APLF: variants seen among roughly 807,000 people sequenced by gnomAD.
APLF encodes aprataxin and PNKP like factor.
In APLF, 61 loss-of-function variants were observed where a neutral mutation model predicts 55.6. The observed-to-expected ratio is 1.10, with a 90% CI of 0.89 to 1.36. APLF has a LOEUF of 1.36. APLF is among the 40% of genes most tolerant of loss of function. The pLI is 0.00. For synonymous variants in APLF, 207 were observed against 214.8 expected, an observed-to-expected ratio of 0.96 and a Z score of 0.32; for missense variants, 611 against 602.5, an observed-to-expected ratio of 1.01 and a Z score of -0.15.
chr2:68,578,972 T>G lies in APLF; in HGVS notation c.*950T>G. On this transcript the variant is annotated 3_prime_UTR_variant, in exon 10 of 10. Transcript: ENST00000303795. ...TCTAAAACTACTTTAAGCCCTATAA[T>G]GCTCTTCATATTACGTGACTTTGAA... is the stretch of plus-strand genomic sequence containing the variant. 1 of 984,620 alleles carries G rather than the reference T, an allele frequency of 1.0e-6. No homozygotes were observed. Among genetic ancestry groups the G allele is most frequent in the Non-Finnish European group, 1.2e-6 (1 of 829,230 alleles). The allele number at this position is 984,620 out of a possible 1,614,324, so 61.0% of individuals were successfully genotyped here. A position where few individuals can be genotyped will look rare whatever the true frequency, so the allele number is the denominator to read the frequency against.
chr2:68,578,622 C>T lies in APLF; in HGVS notation c.*600C>T, dbSNP rs1671686380. 4 of 985,158 alleles carry T rather than the reference C, an allele frequency of 4.1e-6. No homozygotes were observed. The African/African-American group carries it at 7.0e-5, about 17-fold the overall frequency. 61.0% of individuals were successfully genotyped at this position (985,158 alleles called of 1,614,324 possible). A position where few individuals can be genotyped will look rare whatever the true frequency, so the allele number is the denominator to read the frequency against. ...AACTAGGCTGTAGAAGAGAAATGTT[C>T]ACCATGTAGGGAATGTTATTTTGTG... On this transcript the variant is annotated 3_prime_UTR_variant, in exon 10 of 10. Coordinates refer to ENST00000303795, the MANE Select transcript of APLF (RefSeq NM_173545.3).
intron 8 of APLF, among the ~76,000 whole-genome samples, chr2:68,558,476 A>G (rs1201806613): frequency 6.6e-6 from 1 of 152,190 alleles, no homozygotes; most frequent in Admixed American, 6.5e-5. Context: ...TTCAGGTTTT[A>G]AAATACATAT....
intron 6 of APLF, among the ~76,000 whole-genome samples, chr2:68,533,334 CTATAT>C (rs1160014138): frequency 2.0e-5 from 3 of 152,072 alleles, no homozygotes; most frequent in South Asian, 2.1e-4. Context: ...CCTTTATAAT[CTATAT>C]TATATTATAA....
At chr2:68,474,786 A>G (rs1212415868) in intron 1 of APLF, among the ~76,000 whole-genome samples, 3 of 152,134 alleles carry the variant, frequency 2.0e-5, no homozygotes, top group Non-Finnish European at 2.9e-5. Context: ...CTCCTGCCTC[A>G]GCCTCCTGAG....
At chr2:68,518,767 A>T (rs1669765687) in intron 5 of APLF, among the ~76,000 whole-genome samples, 127 of 110,620 alleles carry the variant, frequency 1.1e-3, no homozygotes, top group Middle Eastern at 0.013. Flanking sequence ...TAAAATATTA[A>T]TAATATATCA....
At chr2:68,541,440 A>G (rs1670546777) in intron 7 of APLF, among the ~76,000 whole-genome samples, 1 of 152,194 alleles carries the variant, frequency 6.6e-6, no homozygotes, top group Non-Finnish European at 1.5e-5. Flanking sequence ...CAATAAGAAA[A>G]TGACAACTCA....
At chr2:68,544,274 C>T (rs900132986) in intron 7 of APLF, among the ~76,000 whole-genome samples, 2 of 151,962 alleles carry the variant, frequency 1.3e-5, no homozygotes, top group African/African-American at 4.8e-5. Context: ...CCACCACAGC[C>T]GACCCAAAAG....
At chr2:68,559,363 C>T (rs1262999946) in intron 8 of APLF, among the ~76,000 whole-genome samples, 1 of 152,120 alleles carries the variant, frequency 6.6e-6, no homozygotes, top group Non-Finnish European at 1.5e-5. Flanking sequence ...GTTCTCAGAT[C>T]TCTTCCTTTC....
At chr2:68,536,574 T>G (rs1670395184) in intron 6 of APLF, among the ~76,000 whole-genome samples, 1 of 152,102 alleles carries the variant, frequency 6.6e-6, no homozygotes, top group African/African-American at 2.4e-5. Context: ...GTATAAGTAA[T>G]TAAGGGGTCA....
rs1457697801 is a variant in APLF at position 68,526,243 on chromosome 2, G to A, written c.804+1G>A. On this transcript the variant is annotated splice_donor_variant, in intron 6 of 9. Coordinates refer to ENST00000303795, the MANE Select transcript of APLF (RefSeq NM_173545.3). LOFTEE classifies it high-confidence loss of function. ...GGAAGAGTCTACCATTTCATCCAAG[G>A]TGATTTTAAAAAATTCATTATTTGA... 4.4e-6 allele frequency: 7 copies of A among 1,595,946 alleles called. No homozygotes were observed. The highest frequency in any genetic ancestry group is 6.0e-6 in the Non-Finnish European group (7 of 1,173,846).
Position 68,580,103 on chromosome 2 carries a change from A to G in APLF, c.*2081A>G, listed in dbSNP as rs1671730464. On this transcript the variant is annotated 3_prime_UTR_variant, in exon 10 of 10. Transcript: ENST00000303795. Reference sequence around the variant, plus strand: ...ATACAGTTTTAATGCAACTTTCATAATCATCCTGAAGACACTTTTGAGTAT... The same window carrying G: ...ATACAGTTTTAATGCAACTTTCATAGTCATCCTGAAGACACTTTTGAGTAT... 2 of 941,996 alleles carry G rather than the reference A, an allele frequency of 2.1e-6. No homozygotes were observed. The highest frequency in any genetic ancestry group is 2.5e-6 in the Non-Finnish European group (2 of 790,212). The allele number at this position is 941,996 out of a possible 1,614,324, so 58.4% of individuals were successfully genotyped here.
At chr2:68,537,660 G>A (rs186215952) in intron 6 of APLF, among the ~76,000 whole-genome samples, 43 of 152,166 alleles carry the variant, frequency 2.8e-4, no homozygotes, top group African/African-American at 1.0e-3. Flanking sequence ...CTGAGCCACC[G>A]TGCCTGGCCA....
rs1425976195 is a variant in APLF, at chr2:68,579,409, TA to T, written c.*1389del. Reference sequence around the variant, plus strand: ...CTTATTCTCATCCCTGCCACTAACTTAATCCTTGAAGTGTTACATAATCTAC... The same window carrying T: ...CTTATTCTCATCCCTGCCACTAACTTATCCTTGAAGTGTTACATAATCTAC... On this transcript the variant is annotated 3_prime_UTR_variant, in exon 10 of 10. Coordinates refer to ENST00000303795, the MANE Select transcript of APLF (RefSeq NM_173545.3). The T allele has an allele frequency of 1.0e-6, 1 of 976,530 alleles. No homozygotes were observed. The highest frequency in any genetic ancestry group is 1.2e-6 in the Non-Finnish European group (1 of 821,948). 60.5% of individuals were successfully genotyped at this position (976,530 alleles called of 1,614,324 possible). A position where few individuals can be genotyped will look rare whatever the true frequency, so the allele number is the denominator to read the frequency against.
intron 8 of APLF, among the ~76,000 whole-genome samples, chr2:68,555,939 C>G (rs950091984): frequency 2.0e-5 from 3 of 152,176 alleles, no homozygotes; most frequent in African/African-American, 7.2e-5. Context: ...ATGGCAAAAA[C>G]ATGGAACCAA....
intron 2 of APLF, among the ~76,000 whole-genome samples, chr2:68,492,565 A>G (rs1443621581): frequency 2.0e-5 from 3 of 152,348 alleles, no homozygotes; most frequent in Non-Finnish European, 2.9e-5. Flanking sequence ...TCTTACCTTG[A>G]GTTAAATTTT....
Position 68,578,846 on chromosome 2 carries a change from A to G in APLF, c.*824A>G. On this transcript the variant is annotated 3_prime_UTR_variant, in exon 10 of 10. Transcript: ENST00000303795. ...AGTTTTTTTGACCTCAGATGAAAGT[A>G]GCAAGTTGTTTGCCAGTTGAAAGTT... 1 of 985,362 alleles carries G rather than the reference A, an allele frequency of 1.0e-6. No homozygotes were observed. The highest frequency in any genetic ancestry group is 1.2e-6 in the Non-Finnish European group (1 of 829,870). 61.0% of individuals were successfully genotyped at this position (985,362 alleles called of 1,614,324 possible).
chr2:68,578,183 C>T lies in APLF; in HGVS notation c.*161C>T. ...ACAAATGAGACATTGAAACGTCAGC[C>T]TTCAGTATAATAGATGGAATTTTTT... On this transcript the variant is annotated 3_prime_UTR_variant, in exon 10 of 10. Coordinates refer to ENST00000303795, the MANE Select transcript of APLF (RefSeq NM_173545.3). The T allele has an allele frequency of 3.6e-6, 5 of 1,402,326 alleles. No individual in the cohort carries two copies. Among genetic ancestry groups the T allele is most frequent in the Non-Finnish European group, 4.6e-6 (5 of 1,080,210 alleles). 86.9% of individuals were successfully genotyped at this position (1,402,326 alleles called of 1,614,324 possible).
At position 68,578,026 on chromosome 2, in the gene APLF, C is replaced by T; in HGVS notation, c.*4C>T. 6.2e-7 allele frequency: 1 copy of T among 1,610,590 alleles called. No individual in the cohort carries two copies. Among genetic ancestry groups the T allele is most frequent in the African/African-American group, 1.3e-5 (1 of 74,832 alleles). ...AAGGTTTATGAAAAGAAAATAGTAA[C>T]TAACTTCTGTAGTCATATCTGCCTT... On this transcript the variant is annotated 3_prime_UTR_variant, in exon 10 of 10. Coordinates refer to ENST00000303795, the MANE Select transcript of APLF (RefSeq NM_173545.3).
At chr2:68,510,438 T>TC (rs1191883731) in intron 3 of APLF, among the ~76,000 whole-genome samples, 7 of 151,896 alleles carry the variant, frequency 4.6e-5, no homozygotes, top group Non-Finnish European at 7.4e-5. Context: ...ATGTTCAACA[T>TC]CACTAGTCAC....
Sources: allele counts gnomAD v4.1 joint callset (sites outside exome capture counted in the v4.1 genomes callset), GRCh38; gene constraint gnomAD v4.1.1; transcripts MANE v1.5; gene names NCBI Gene and HGNC (gene_info 2026-07-23, HGNC 2026-07-21).